ETV5: variants seen among roughly 807,000 people sequenced by gnomAD.
The protein encoded by ETV5 is ETS variant transcription factor 5, also known as ETS translocation variant 5.
A neutral mutation model predicts 70.0 loss-of-function variants in ETV5; 10 were observed. The observed-to-expected ratio is 0.14, with a 90% CI of 0.09 to 0.24. The LOEUF (loss-of-function observed/expected upper bound fraction) is 0.24. ETV5 is among the 10% of genes least tolerant of loss of function. The pLI is 1.00. For missense variants in ETV5, 453 were observed against 651.2 expected (o/e 0.70, Z 3.31); for synonymous variants, 216 against 242.2 (o/e 0.89, Z 1.01).
intron 7 of ETV5, among the ~76,000 whole-genome samples, chr3:186,067,250 T>C (rs1713470157): frequency 6.6e-6 from 1 of 152,316 alleles, no homozygotes; most frequent in Non-Finnish European, 1.5e-5. Context: ...CTGGCCAACA[T>C]GGTGAAACCC....
At chr3:186,107,414 TG>T (rs1366791740) in intron 1 of ETV5, among the ~76,000 whole-genome samples, 1 of 152,076 alleles carries the variant, frequency 6.6e-6, no homozygotes, top group Non-Finnish European at 1.5e-5. Context: ...TAAGACATTT[TG>T]TGAATGTGTT....
intron 5 of ETV5, among the ~76,000 whole-genome samples, chr3:186,104,273 C>T (rs1303814168): frequency 2.0e-5 from 3 of 152,162 alleles, no homozygotes; most frequent in African/African-American, 7.2e-5. Context: ...ATAAAAGCTC[C>T]CAAACCTGTT....
intron 9 of ETV5, among the ~76,000 whole-genome samples, chr3:186,063,509 G>A (rs1416911090): frequency 6.6e-6 from 1 of 152,212 alleles, no homozygotes; most frequent in Non-Finnish European, 1.5e-5. Flanking sequence ...GAGACTTACT[G>A]AATTAAGTTG....
At chr3:186,091,955 A>G (rs1349583861) in intron 5 of ETV5, among the ~76,000 whole-genome samples, 1 of 152,118 alleles carries the variant, frequency 6.6e-6, no homozygotes, top group African/African-American at 2.4e-5. Context: ...AGGGAAGGAG[A>G]CACCTTTCTT....
At position 186,085,250 on chromosome 3, in the gene ETV5, A is replaced by C. The variant is rs533214967; in HGVS notation, c.233-4075T>G. 1.3e-3 allele frequency among the ~76,000 whole-genome samples: 201 copies of C among 152,288 alleles called. 1 individual carries two copies. The highest frequency in any genetic ancestry group is 2.1e-3 in the Non-Finnish European group (146 of 68,024). ...GAATCTGAGAGAAAAAAGACCAATC[A>C]AAGAGAGAATAAAAGATAAAGGGAA... On this transcript the variant is annotated intron_variant, in intron 5 of 12. Transcript: ENST00000306376.
At chr3:186,066,262 C>CCAAAAAAAAAA (rs1713440879) in intron 7 of ETV5, among the ~76,000 whole-genome samples, 190 bp from the exon 8 acceptor site, 1 of 94,888 alleles carries the variant, frequency 1.1e-5, no homozygotes, top group Non-Finnish European at 1.9e-5. Context: ...CAGGAAGTGG[C>CCAAAAAAAAAA]AAAAAAAAAA....
intron 5 of ETV5, among the ~76,000 whole-genome samples, 170 bp from the exon 6 acceptor site, chr3:186,081,345 C>G (rs2150149710): frequency 6.6e-6 from 1 of 152,290 alleles, no homozygotes; most frequent in East Asian, 1.9e-4. Context: ...CCATCCAAAG[C>G]CAATTAAATT....
chr3:186,082,838 G>T (rs1460225737), intron 5 of ETV5, among the ~76,000 whole-genome samples: 1 of 152,218 alleles, frequency 6.6e-6, no homozygotes, highest in Non-Finnish European at 1.5e-5. Flanking sequence ...CGAGACAGAT[G>T]ACTCTATCAC....
intron 5 of ETV5, among the ~76,000 whole-genome samples, chr3:186,089,237 G>T (rs1247424902): frequency 6.6e-6 from 1 of 152,210 alleles, no homozygotes; most frequent in Admixed American, 6.5e-5. Flanking sequence ...CATTGATCCT[G>T]CCTGGCAACA....
Position 186,080,120 on chromosome 3 carries a change from G to A in ETV5, c.363-16C>T. On this transcript the variant is annotated splice_polypyrimidine_tract_variant and intron_variant, in intron 6 of 12. Transcript: ENST00000306376. ...ATCATAGGCACTGTAAACAGAAAAA[G>A]AGAAGGAACCATTAAGCTGAAATGA... is the stretch of plus-strand genomic sequence containing the variant. 2 of 1,458,148 alleles carry A rather than the reference G, an allele frequency of 1.4e-6. No homozygotes were observed. The highest frequency in any genetic ancestry group is 1.8e-6 in the Non-Finnish European group (2 of 1,110,468). The allele number at this position is 1,458,148 out of a possible 1,614,324, so 90.3% of individuals were successfully genotyped here.
chr3:186,093,890 G>T (rs1016114837), intron 5 of ETV5, among the ~76,000 whole-genome samples: 1 of 152,250 alleles, frequency 6.6e-6, no homozygotes, highest in African/African-American at 2.4e-5. Context: ...GCATGAGGCT[G>T]AAAGCTGCTC....
intron 5 of ETV5, among the ~76,000 whole-genome samples, chr3:186,084,811 C>T (rs1714019740): frequency 1.3e-5 from 2 of 152,334 alleles, no homozygotes; most frequent in South Asian, 4.1e-4. Context: ...ACTCTACTCG[C>T]TCACTTTGTA....
At chr3:186,097,739 AG>A (rs1714338554) in intron 5 of ETV5, among the ~76,000 whole-genome samples, 1 of 152,250 alleles carries the variant, frequency 6.6e-6, no homozygotes, top group Non-Finnish European at 1.5e-5. Flanking sequence ...AACCCCATTA[AG>A]CCCAGGCTTG....
chr3:186,070,824 A>C (rs1053076160), intron 7 of ETV5, among the ~76,000 whole-genome samples: 1 of 152,214 alleles, frequency 6.6e-6, no homozygotes, highest in African/African-American at 2.4e-5. Context: ...AAGGCAGGCA[A>C]TCACTTTCAG....
At chr3:186,065,444 T>G (rs966935602) in intron 8 of ETV5, among the ~76,000 whole-genome samples, 1 of 152,188 alleles carries the variant, frequency 6.6e-6, no homozygotes, top group Non-Finnish European at 1.5e-5. Flanking sequence ...TTCCTCAGCA[T>G]TTCCCATAAC....
Position 186,065,995 on chromosome 3 carries a change from T to C in ETV5, c.728A>G (p.Tyr243Cys). 6.2e-7 allele frequency: 1 copy of C among 1,610,720 alleles called. No individual in the cohort carries two copies. Among genetic ancestry groups the C allele is most frequent in the Non-Finnish European group, 8.5e-7 (1 of 1,178,438 alleles). The change falls in exon 8 of 13, where the codon TAC becomes TGC. Residue 243 changes from tyrosine to cysteine, a missense_variant. Tyr to Cys is a radical substitution (Grantham distance 194, BLOSUM62 -2). Coordinates refer to ENST00000306376, the MANE Select transcript of ETV5 (RefSeq NM_004454.3). ...PGVPGDNRPS[Y>C]HRQMSEPIVP... ...AATAGGTTCTGACATTTGCCGATGG[T>C]AACTGGGGCGATTATCTCCAGGAAC...
At position 186,052,005 on chromosome 3, in the gene ETV5, C is replaced by T; in HGVS notation, c.1311+25G>A. 6.2e-7 allele frequency: 1 copy of T among 1,608,856 alleles called. No individual in the cohort carries two copies. The highest frequency in any genetic ancestry group is 1.7e-4 in the Middle Eastern group (1 of 6,054). On this transcript the variant is annotated intron_variant, in intron 12 of 12. Coordinates refer to ENST00000306376, the MANE Select transcript of ETV5 (RefSeq NM_004454.3). This position sits in a 1 kb window ranked among gnomAD's most constrained non-coding sequence, Gnocchi z 4.5. ...TTTCCTTAAAAGAGACCAGAGTGGGCTAAGGGTCTTGTATAATGGCTCACC... is the reference window on the plus strand; with the variant it reads ...TTTCCTTAAAAGAGACCAGAGTGGGTTAAGGGTCTTGTATAATGGCTCACC...
In ETV5 at chr3:186,057,395, G is replaced by C; in HGVS notation, c.1039+28C>G. Reference sequence around the variant, plus strand: ...TCTGACACCTCCAAACCTCTACCTGGCAACAAACCTTGGATGGGGCTACTT... The same window carrying C: ...TCTGACACCTCCAAACCTCTACCTGCCAACAAACCTTGGATGGGGCTACTT... On this transcript the variant is annotated intron_variant, in intron 10 of 12. Coordinates refer to ENST00000306376, the MANE Select transcript of ETV5 (RefSeq NM_004454.3). The surrounding 1 kb of genome is among the most constrained non-coding windows in gnomAD (Gnocchi z 4.9). 1 of 1,612,630 alleles carries C rather than the reference G, an allele frequency of 6.2e-7. No individual in the cohort carries two copies. Among genetic ancestry groups the C allele is most frequent in the Non-Finnish European group, 8.5e-7 (1 of 1,178,660 alleles).
In ETV5 at chr3:186,079,941, G is replaced by A. The variant is rs1713890926; in HGVS notation, c.526C>T (p.Pro176Ser). 2 of 1,607,422 alleles carry A rather than the reference G, an allele frequency of 1.2e-6. No homozygotes were observed. Among genetic ancestry groups the A allele is most frequent in the Admixed American group, 1.7e-5 (1 of 58,888 alleles). ...AGPVQGVGPA[P>S]APHSLPEPGP... ...GGCTCTGGAAGCGAATGGGGGGCGG[G>A]GGCGGGGCCCACACCTTGAACTGGG... Residue 176 changes from proline to serine, a missense_variant, in exon 7 of 13, where the codon CCC becomes TCC. Physicochemically the swap from Pro to Ser is moderately conservative, Grantham distance 74 (BLOSUM62 -1). This residue lies in a region of ETV5 where 307 missense variants were observed against 344.9 expected (regional missense o/e 0.89). Transcript: ENST00000306376.
Sources: allele counts gnomAD v4.1 joint callset (sites outside exome capture counted in the v4.1 genomes callset), GRCh38; gene constraint gnomAD v4.1.1; regional missense constraint gnomAD v4.1.1; non-coding constraint Gnocchi (gnomAD v3.1); transcripts MANE v1.5; gene names NCBI Gene and HGNC (gene_info 2026-07-23, HGNC 2026-07-21).